The following TMEM167A variants were observed in gnomAD, a reference collection of about 807,000 sequenced individuals.
TMEM167A encodes the protein protein kish-A.
TMEM167A carries 8 observed loss-of-function variants against 11.6 expected under a neutral mutation model. The ratio of observed to expected loss-of-function variants is 0.69; its 90% confidence interval spans 0.40 to 1.24. The LOEUF (loss-of-function observed/expected upper bound fraction) is 1.24. Among genes scored for constraint, TMEM167A ranks in the 50% most tolerant of loss-of-function variants. The probability of loss-of-function intolerance (pLI) is 0.01; values close to 1 mark genes in which losing one functional copy is unlikely to be tolerated. For missense variants in TMEM167A, 62 were observed against 87.0 expected (o/e 0.71, Z 1.14); for synonymous variants, 22 against 28.0 (o/e 0.79, Z 0.67).
rs567883309 is a variant in TMEM167A at position 83,075,547 on chromosome 5, C to A, written c.3+1774G>T. Among the ~76,000 whole-genome samples, 136 of 152,118 alleles carry A rather than the reference C, an allele frequency of 8.9e-4. No homozygotes were observed. In the Middle Eastern group the frequency reaches 0.014, roughly 15 times the overall value. The stretch of plus-strand genomic sequence containing the variant: ...GGATCACGAGGTCAAGAGATCGAGA[C>A]CATCTTGGCCAACATGGTGAAACCT... On this transcript the variant is annotated intron_variant, in intron 1 of 3. Transcript: ENST00000502346.
At chr5:83,064,875 G>T in intron 2 of TMEM167A, 133 bp downstream of exon 2, 2 of 587,308 alleles carry the variant, frequency 3.4e-6, no homozygotes, top group East Asian at 3.2e-5. Flanking sequence ...ATTTTTAACA[G>T]GAAGAAAATG....
chr5:83,065,890 A>G (rs1744474540), intron 1 of TMEM167A, among the ~76,000 whole-genome samples: 1 of 152,164 alleles, frequency 6.6e-6, no homozygotes, highest in Admixed American at 6.6e-5. Flanking sequence ...ATGGAGGTGG[A>G]CTTATTCTAT....
At chr5:83,057,735 C>T (rs758103466) in intron 3 of TMEM167A, among the ~76,000 whole-genome samples, 9 of 152,102 alleles carry the variant, frequency 5.9e-5, no homozygotes, top group Non-Finnish European at 1.3e-4. Flanking sequence ...TATGCTTACT[C>T]TGGGTTAGAA....
intron 1 of TMEM167A, among the ~76,000 whole-genome samples, chr5:83,072,297 T>C (rs576828565): frequency 2.0e-5 from 3 of 152,290 alleles, no homozygotes; most frequent in African/African-American, 7.2e-5. Flanking sequence ...AAATGCTCCA[T>C]ATATGTCTTT....
At chr5:83,071,168 G>C (rs534103647) in intron 1 of TMEM167A, among the ~76,000 whole-genome samples, 1 of 152,140 alleles carries the variant, frequency 6.6e-6, no homozygotes, top group East Asian at 1.9e-4. Context: ...TAAACAAATT[G>C]TTTAGCAAAT....
chr5:83,075,948 G>A (rs1744646424), intron 1 of TMEM167A, among the ~76,000 whole-genome samples: 1 of 152,006 alleles, frequency 6.6e-6, no homozygotes, highest in African/African-American at 2.4e-5. Flanking sequence ...AAGCTCACAG[G>A]AATAAAAAAC....
At position 83,053,639 on chromosome 5, in the gene TMEM167A, G is replaced by A. The variant is rs1744289818; in HGVS notation, c.*3445C>T. On this transcript the variant is annotated 3_prime_UTR_variant, in exon 4 of 4. Transcript: ENST00000502346. ...ACAGGAATGAGAAAAATACAAGACA[G>A]TCTAAGATCTAACCTTTGCCTACCT... is the stretch of plus-strand genomic sequence containing the variant. 1 of 151,938 alleles carries A rather than the reference G, an allele frequency of 6.6e-6. No homozygotes were observed. The highest frequency in any genetic ancestry group is 1.5e-5 in the Non-Finnish European group (1 of 67,918). The allele number at this position is 151,938 out of a possible 1,614,324, so 9.4% of individuals were successfully genotyped here.
Position 83,065,443 on chromosome 5 carries a change from T to C in TMEM167A, c.4-326A>G, listed in dbSNP as rs147936169. On this transcript the variant is annotated intron_variant, in intron 1 of 3. Coordinates refer to ENST00000502346, the MANE Select transcript of TMEM167A (RefSeq NM_174909.5). The stretch of plus-strand genomic sequence containing the variant: ...ATAAACATCCTTTAAATTTAAGCTA[T>C]AATTTTCCATGAGTTGACAAATACT... Among the ~76,000 whole-genome samples the C allele has an allele frequency of 1.8e-3, 276 of 152,260 alleles. 1 individual carries two copies. Among genetic ancestry groups the C allele is most frequent in the African/African-American group, 6.4e-3 (267 of 41,572 alleles).
chr5:83,069,347 A>T (rs527587406), intron 1 of TMEM167A, among the ~76,000 whole-genome samples: 20 of 152,180 alleles, frequency 1.3e-4, no homozygotes, highest in Non-Finnish European at 2.9e-5. Context: ...GTGAAAAAAT[A>T]ATTGCAATTT....
At chr5:83,069,228 T>TA (rs1470163605) in intron 1 of TMEM167A, among the ~76,000 whole-genome samples, 3 of 152,266 alleles carry the variant, frequency 2.0e-5, no homozygotes, top group South Asian at 2.1e-4. Context: ...GTTTCTAACT[T>TA]ACGGACATTA....
In TMEM167A at chr5:83,065,069, T is replaced by C; in HGVS notation, c.52A>G (p.Ile18Val). Residue 18 changes from isoleucine (I) to valine (V), a missense_variant, in exon 2 of 4, where the codon ATA becomes GTA. Ile to Val is a conservative substitution (Grantham distance 29, BLOSUM62 3). Coordinates refer to ENST00000502346, the MANE Select transcript of TMEM167A (RefSeq NM_174909.5). ...GATCGAATATAAGCACAGGTACATA[T>C]AAGCAGCAAGATTACAGTCAATAGA... Reference protein sequence around the residue: ...QSLLTVILLLICTCAYIRSLA... With the variant: ...QSLLTVILLLVCTCAYIRSLA... 5.6e-6 allele frequency: 9 copies of C among 1,602,548 alleles called. No individual in the cohort carries two copies. The highest frequency in any genetic ancestry group is 7.6e-6 in the Non-Finnish European group (9 of 1,177,208).
At chr5:83,076,707 TA>T (rs894532186) in intron 1 of TMEM167A, among the ~76,000 whole-genome samples, 1 of 152,048 alleles carries the variant, frequency 6.6e-6, no homozygotes, top group African/African-American at 2.4e-5. Context: ...GACCTGGAGG[TA>T]AAAGAGGAGG....
chr5:83,073,375 T>C (rs530224740), intron 1 of TMEM167A, among the ~76,000 whole-genome samples: 7 of 152,320 alleles, frequency 4.6e-5, no homozygotes, highest in East Asian at 1.9e-4. Context: ...CATAGGCGAA[T>C]TGATATAAAC....
At chr5:83,073,743 A>G (rs981293799) in intron 1 of TMEM167A, among the ~76,000 whole-genome samples, 4 of 152,222 alleles carry the variant, frequency 2.6e-5, no homozygotes, top group African/African-American at 9.7e-5. Context: ...CATGAAGACA[A>G]CGTGCAATTG....
At chr5:83,068,654 GA>G (rs1272120645) in intron 1 of TMEM167A, among the ~76,000 whole-genome samples, 2 of 151,892 alleles carry the variant, frequency 1.3e-5, no homozygotes, top group Admixed American at 6.6e-5. Context: ...AAAAATGTGG[GA>G]AAAAAACCCT....
At chr5:83,075,617 C>T (rs1035909712) in intron 1 of TMEM167A, among the ~76,000 whole-genome samples, 1 of 151,790 alleles carries the variant, frequency 6.6e-6, no homozygotes, top group African/African-American at 2.4e-5. Context: ...TGGTTGTGCA[C>T]GCCTGTAGTC....
intron 3 of TMEM167A, among the ~76,000 whole-genome samples, chr5:83,060,262 T>C (rs1207142203): frequency 2.6e-5 from 4 of 151,914 alleles, no homozygotes; most frequent in Non-Finnish European, 5.9e-5. Flanking sequence ...ATTTAGGCTG[T>C]TGTCAGACTG....
In TMEM167A at chr5:83,053,000, G is replaced by C. The variant is rs1744280586; in HGVS notation, c.*4084C>G. 1 of 151,890 alleles carries C rather than the reference G, an allele frequency of 6.6e-6. No individual in the cohort carries two copies. Among genetic ancestry groups the C allele is most frequent in the South Asian group, 2.1e-4 (1 of 4,812 alleles). 9.4% of individuals were successfully genotyped at this position (151,890 alleles called of 1,614,324 possible). ...GTAGCATTTCAGATTTTGGAGATTA[G>C]CTTAGGGCAAAGTAAAAGTCATGGA... On this transcript the variant is annotated 3_prime_UTR_variant, in exon 4 of 4. Transcript: ENST00000502346.
chr5:83,065,188 C>A, intron 1 of TMEM167A, 71 bp from the exon 2 acceptor site: 2 of 952,410 alleles, frequency 2.1e-6, no homozygotes, highest in South Asian at 3.1e-5. Context: ...TTTGACAATT[C>A]CACATTTAGA....
Sources: allele counts gnomAD v4.1 joint callset (sites outside exome capture counted in the v4.1 genomes callset), GRCh38; gene constraint gnomAD v4.1.1; transcripts MANE v1.5; gene names NCBI Gene and HGNC (gene_info 2026-07-23, HGNC 2026-07-21).